Variants in CDH13 observed in about 807,000 individuals in gnomAD.
CDH13 encodes the protein cadherin 13.
A neutral mutation model predicts 63.8 loss-of-function variants in CDH13; 24 were observed. The ratio of observed to expected loss-of-function variants is 0.38; its 90% confidence interval spans 0.27 to 0.53. The LOEUF is 0.53. Among genes scored for constraint, CDH13 ranks in the 20% least tolerant of loss-of-function variants. CDH13 has a pLI of 0.85. For missense variants in CDH13, 1,049 were observed against 903.1 expected (o/e 1.16, Z -2.07); for synonymous variants, 503 against 355.3 (o/e 1.42, Z -4.67).
At chr16:83,033,051 T>A (rs767132078) in intron 3 of CDH13, among the ~76,000 whole-genome samples, 8 of 152,220 alleles carry the variant, frequency 5.3e-5, no homozygotes, top group Non-Finnish European at 8.8e-5. Context: ...TGTACATGTA[T>A]GTGTATACCA....
At chr16:82,660,867 C>T (rs1911859645) in intron 1 of CDH13, among the ~76,000 whole-genome samples, 1 of 151,192 alleles carries the variant, frequency 6.6e-6, no homozygotes, top group Non-Finnish European at 1.5e-5. Flanking sequence ...TGGATGTTAA[C>T]AAAGATGTAA....
At chr16:83,131,248 C>G (rs2151655823) in intron 4 of CDH13, among the ~76,000 whole-genome samples, 1 of 136,830 alleles carries the variant, frequency 7.3e-6, no homozygotes, top group Admixed American at 8.9e-5. Context: ...ACTGCCAGCC[C>G]TGGGAAAATG....
At chr16:83,139,595 G>T (rs1013541384) in intron 4 of CDH13, among the ~76,000 whole-genome samples, 1 of 152,042 alleles carries the variant, frequency 6.6e-6, no homozygotes, top group Non-Finnish European at 1.5e-5. Context: ...TTCCTAACAT[G>T]CCATGAAATA....
At position 83,748,000 on chromosome 16, in the gene CDH13, G is replaced by C. The variant is rs575664445; in HGVS notation, c.1539-108G>C. On this transcript the variant is annotated intron_variant, in intron 10 of 13. Transcript: ENST00000567109. Reference sequence around the variant, plus strand: ...ACAGAAATGATGGTTTTGGATTTTTGTTACCTAGGATCCAGCACCTAGCCT... The same window carrying C: ...ACAGAAATGATGGTTTTGGATTTTTCTTACCTAGGATCCAGCACCTAGCCT... The C allele has an allele frequency of 7.5e-6, 9 of 1,195,944 alleles. No individual in the cohort carries two copies. In the East Asian group the frequency reaches 9.4e-5, roughly 12 times the overall value. The allele number at this position is 1,195,944 out of a possible 1,614,324, so 74.1% of individuals were successfully genotyped here.
At chr16:82,672,999 CTTTTTTT>C (rs562942948) in intron 1 of CDH13, among the ~76,000 whole-genome samples, 2 of 81,268 alleles carry the variant, frequency 2.5e-5, no homozygotes, top group African/African-American at 5.4e-5. Flanking sequence ...ATAAAGTTTT[CTTTTTTT>C]TTTTTTTTTT....
intron 1 of CDH13, chr16:82,727,406 C>G (rs779551757): frequency 3.9e-5 from 6 of 152,106 alleles, no homozygotes; most frequent in Non-Finnish European, 8.8e-5. Flanking sequence ...TCACAAATGT[C>G]TGTGATGCAC....
At chr16:83,014,815 TG>T (rs1197047068) in intron 2 of CDH13, among the ~76,000 whole-genome samples, 1 of 75,898 alleles carries the variant, frequency 1.3e-5, no homozygotes, top group Non-Finnish European at 2.6e-5. Context: ...TATATATATT[TG>T]TATATATATA....
At chr16:83,736,492 A>G (rs2150957508) in intron 10 of CDH13, among the ~76,000 whole-genome samples, 1 of 152,260 alleles carries the variant, frequency 6.6e-6, no homozygotes, top group East Asian at 1.9e-4. Context: ...TTGGCAGTCA[A>G]TTTGGTCAAA....
chr16:83,560,899 G>GCACCC lies in CDH13; in HGVS notation c.961-41554_961-41553insACCCC, dbSNP rs1555573400. ...CAAGGACAAGTGTACCATAAGGTTG[G>GCACCC]CCCCCCCCCCGCCCCAGGGGCTGAG... On this transcript the variant is annotated intron_variant, in intron 7 of 13. Coordinates refer to ENST00000567109, the MANE Select transcript of CDH13 (RefSeq NM_001257.5). Among the ~76,000 whole-genome samples the GCACCC allele has an allele frequency of 7.1e-3, 1,050 of 148,476 alleles. 4 individuals are homozygous for GCACCC. The highest frequency in any genetic ancestry group is 0.023 in the African/African-American group (912 of 40,116).
At chr16:83,067,317 A>C (rs746619073) in intron 3 of CDH13, among the ~76,000 whole-genome samples, 1 of 152,152 alleles carries the variant, frequency 6.6e-6, no homozygotes, top group Non-Finnish European at 1.5e-5. Flanking sequence ...AGGAATACCT[A>C]CTGTCTACTT....
intron 3 of CDH13, among the ~76,000 whole-genome samples, chr16:83,119,085 T>C (rs894945481): frequency 2.6e-5 from 4 of 152,154 alleles, no homozygotes; most frequent in African/African-American, 9.7e-5. Flanking sequence ...CCGTCATCTG[T>C]TCATGGTCAA....
At chr16:83,251,716 A>G (rs1905558995) in intron 5 of CDH13, among the ~76,000 whole-genome samples, 1 of 152,362 alleles carries the variant, frequency 6.6e-6, no homozygotes, top group East Asian at 1.9e-4. Flanking sequence ...AGCTACGCTG[A>G]GAAAGGTAGA....
chr16:82,870,330 G>C (rs79320286), intron 2 of CDH13, among the ~76,000 whole-genome samples: 1,838 of 152,226 alleles, frequency 0.012, 36 homozygotes, highest in African/African-American at 0.037. Context: ...TGCTGGTGAG[G>C]GGGTGGAGAA....
intron 1 of CDH13, among the ~76,000 whole-genome samples, chr16:82,676,544 C>T (rs893341037): frequency 4.1e-5 from 6 of 146,384 alleles, no homozygotes; most frequent in South Asian, 2.2e-4. Flanking sequence ...GATGGTCATA[C>T]CACAATCACT....
intron 1 of CDH13, among the ~76,000 whole-genome samples, chr16:82,725,932 C>A (rs1457403812): frequency 6.6e-6 from 1 of 152,016 alleles, no homozygotes; most frequent in Non-Finnish European, 1.5e-5. Context: ...GTTTTCTTGG[C>A]TAAGATGGGA....
At chr16:83,547,592 G>A (rs2075409189) in intron 7 of CDH13, among the ~76,000 whole-genome samples, 1 of 152,166 alleles carries the variant, frequency 6.6e-6, no homozygotes, top group South Asian at 2.1e-4. Context: ...TAAGGATAAT[G>A]GCCTCCAGCT....
At chr16:83,327,250 C>A (rs973662920) in intron 5 of CDH13, among the ~76,000 whole-genome samples, 1 of 152,094 alleles carries the variant, frequency 6.6e-6, no homozygotes, top group African/African-American at 2.4e-5. Flanking sequence ...ATGAATAATC[C>A]CATGTAAAAT....
chr16:83,358,511 A>G (rs193082483), intron 6 of CDH13, among the ~76,000 whole-genome samples: 1 of 152,324 alleles, frequency 6.6e-6, no homozygotes, highest in East Asian at 1.9e-4. Context: ...GAGAATTATG[A>G]ACTTCTGTCT....
chr16:83,553,591 C>G (rs908826379), intron 7 of CDH13, among the ~76,000 whole-genome samples: 2 of 152,138 alleles, frequency 1.3e-5, no homozygotes, highest in African/African-American at 4.8e-5. Flanking sequence ...GAGTATCGCT[C>G]TGTCGCCCAG....
Sources: allele counts gnomAD v4.1 joint callset (sites outside exome capture counted in the v4.1 genomes callset), GRCh38; gene constraint gnomAD v4.1.1; transcripts MANE v1.5; gene names NCBI Gene and HGNC (gene_info 2026-07-23, HGNC 2026-07-21).